Variants in CDC42SE2 observed in about 807,000 individuals in gnomAD.
The protein encoded by CDC42SE2 is CDC42 small effector 2.
In CDC42SE2, 3 loss-of-function variants were observed where a neutral mutation model predicts 11.5. That is an observed-to-expected ratio of 0.26 (90% confidence interval 0.12 to 0.67). The LOEUF is 0.67. Among genes scored for constraint, CDC42SE2 ranks in the 30% least tolerant of loss-of-function variants. CDC42SE2 has a pLI of 0.80. For missense variants in CDC42SE2, 82 were observed against 106.8 expected (o/e 0.77, Z 1.02); for synonymous variants, 33 against 34.8 (o/e 0.95, Z 0.18).
intron 4 of CDC42SE2, among the ~76,000 whole-genome samples, chr5:131,386,522 G>A (rs564233395): frequency 3.3e-4 from 51 of 152,368 alleles, no homozygotes; most frequent in African/African-American, 1.2e-3. Flanking sequence ...AGTAGGATGT[G>A]AAGAACCAGA....
In CDC42SE2 at chr5:131,393,914, A is replaced by G. The variant is rs915018520; in HGVS notation, c.*2823A>G. Reference sequence around the variant, plus strand: ...GCCAAAAGTGGACTTGTCAGCCTATAACTACTCTGCAGCTGCCACTAACTC... The same window carrying G: ...GCCAAAAGTGGACTTGTCAGCCTATGACTACTCTGCAGCTGCCACTAACTC... On this transcript the variant is annotated 3_prime_UTR_variant, in exon 5 of 5. Coordinates refer to ENST00000505065, the MANE Select transcript of CDC42SE2 (RefSeq NM_001375635.1). The G allele has an allele frequency of 1.4e-5, 2 of 144,148 alleles. No homozygotes were observed. The highest frequency in any genetic ancestry group is 7.3e-5 in the Admixed American group (1 of 13,704). 8.9% of individuals were successfully genotyped at this position (144,148 alleles called of 1,614,324 possible).
chr5:131,380,660 A>C (rs542494827), intron 3 of CDC42SE2, among the ~76,000 whole-genome samples: 11 of 152,092 alleles, frequency 7.2e-5, no homozygotes, highest in Non-Finnish European at 1.3e-4. Flanking sequence ...AAGGTTGACA[A>C]TCCATTTTCT....
At position 131,301,134 on chromosome 5, in the gene CDC42SE2, G is replaced by A. The variant is rs940538589; in HGVS notation, c.-454-14842G>A. The stretch of plus-strand genomic sequence containing the variant: ...CTTAAATACTGTATTGTACACTACC[G>A]TTGCTGTGGGTGTGTATATGTGTTT... On this transcript the variant is annotated intron_variant, in intron 1 of 4. Transcript: ENST00000505065. Among the ~76,000 whole-genome samples the A allele has an allele frequency of 4.6e-5, 7 of 152,064 alleles. No homozygotes were observed. The South Asian group carries it at 8.3e-4, about 18-fold the overall frequency.
chr5:131,301,051 G>A (rs1183751766), intron 1 of CDC42SE2, among the ~76,000 whole-genome samples: 1 of 152,136 alleles, frequency 6.6e-6, no homozygotes, highest in Non-Finnish European at 1.5e-5. Flanking sequence ...ACAATTCTCT[G>A]TGGCAGTCAG....
chr5:131,365,157 T>G lies in CDC42SE2; in HGVS notation c.54+5610T>G, dbSNP rs1749817304. Among the ~76,000 whole-genome samples, 5 of 151,808 alleles carry G rather than the reference T, an allele frequency of 3.3e-5. No homozygotes were observed. The South Asian group carries it at 1.0e-3, about 32-fold the overall frequency. ...ATACAAAAAATAGCTGGGCGTGGTG[T>G]CGCATGCCTGTAATCCCAGCTACTC... On this transcript the variant is annotated intron_variant, in intron 3 of 4. Coordinates refer to ENST00000505065, the MANE Select transcript of CDC42SE2 (RefSeq NM_001375635.1).
At chr5:131,344,927 G>C (rs910931273) in intron 2 of CDC42SE2, among the ~76,000 whole-genome samples, 2 of 152,218 alleles carry the variant, frequency 1.3e-5, no homozygotes, top group Non-Finnish European at 2.9e-5. Context: ...CAGACCTGCA[G>C]CTGAGGGTCC....
At position 131,292,240 on chromosome 5, in the gene CDC42SE2, C is replaced by G. The variant is rs1424027600; in HGVS notation, c.-454-23736C>G. On this transcript the variant is annotated intron_variant, in intron 1 of 4. Coordinates refer to ENST00000505065, the MANE Select transcript of CDC42SE2 (RefSeq NM_001375635.1). ...GTGACAGAGTAAGACTCTGTCTCAC[C>G]AAAAAAAAAAAAAAAAAAAAAAAAA... is the stretch of plus-strand genomic sequence containing the variant. 3.9e-4 allele frequency among the ~76,000 whole-genome samples: 10 copies of G among 25,622 alleles called. No homozygotes were observed. The East Asian group carries it at 0.015, about 39-fold the overall frequency. The allele number at this position is 25,622 out of a possible 152,430, so 16.8% of individuals were successfully genotyped here.
Position 131,279,037 on chromosome 5 carries a change from G to A in CDC42SE2, c.-455+14871G>A, listed in dbSNP as rs922144197. Reference sequence around the variant, plus strand: ...CAACCTCAAGTGATGCGCATGCCTCGATCTCCCAAAGCTCTGGGATTACAG... The same window carrying A: ...CAACCTCAAGTGATGCGCATGCCTCAATCTCCCAAAGCTCTGGGATTACAG... On this transcript the variant is annotated intron_variant, in intron 1 of 4. Coordinates refer to ENST00000505065, the MANE Select transcript of CDC42SE2 (RefSeq NM_001375635.1). Among the ~76,000 whole-genome samples the A allele has an allele frequency of 4.0e-5, 6 of 151,708 alleles. No homozygotes were observed. In the South Asian group the frequency reaches 1.3e-3, roughly 32 times the overall value.
intron 2 of CDC42SE2, among the ~76,000 whole-genome samples, chr5:131,328,621 C>A (rs963676262): frequency 6.6e-6 from 1 of 152,136 alleles, no homozygotes; most frequent in Non-Finnish European, 1.5e-5. Flanking sequence ...TTTCTAGGGA[C>A]ACATTCTTGG....
intron 3 of CDC42SE2, 39 bp from the exon 4 acceptor site, chr5:131,385,504 A>G (rs370757921): frequency 1.1e-4 from 152 of 1,430,438 alleles, no homozygotes; most frequent in Non-Finnish European, 1.3e-4. Flanking sequence ...AGTTGCTCAT[A>G]AGATCACTTT....
intron 2 of CDC42SE2, among the ~76,000 whole-genome samples, chr5:131,257,998 A>G (rs866890305): frequency 5.9e-5 from 9 of 152,204 alleles, no homozygotes; most frequent in South Asian, 2.1e-4. Flanking sequence ...TCTCCTCTGC[A>G]GCCCTGGTGC....
In CDC42SE2 at chr5:131,304,210, C is replaced by T. The variant is rs115483068; in HGVS notation, c.-454-11766C>T. Among the ~76,000 whole-genome samples the T allele has an allele frequency of 3.2e-3, 492 of 152,128 alleles. 4 individuals carry two copies. Among genetic ancestry groups the T allele is most frequent in the African/African-American group, 0.011 (472 of 41,504 alleles). On this transcript the variant is annotated intron_variant, in intron 1 of 4. Coordinates refer to ENST00000505065, the MANE Select transcript of CDC42SE2 (RefSeq NM_001375635.1). ...CATTGCCCAGGCTTGTCTTGAACTC[C>T]TGGGCCCAAACAATCCTCCCGCCCT...
At chr5:131,274,720 C>A (rs1237584458) in intron 1 of CDC42SE2, among the ~76,000 whole-genome samples, 1 of 152,162 alleles carries the variant, frequency 6.6e-6, no homozygotes, top group Non-Finnish European at 1.5e-5. Context: ...TCATGTCTTA[C>A]CAGTTTCTCC....
In CDC42SE2 at chr5:131,391,279, C is replaced by G. The variant is rs1750644303; in HGVS notation, c.*188C>G. ...GGAATGTAAGTTTTAGGTTCTTTTC[C>G]TTATTAAGAACTTTAAATACTTTAA... On this transcript the variant is annotated 3_prime_UTR_variant, in exon 5 of 5. Transcript: ENST00000505065. 1 of 249,780 alleles carries G rather than the reference C, an allele frequency of 4.0e-6. No homozygotes were observed. Among genetic ancestry groups the G allele is most frequent in the Non-Finnish European group, 7.4e-6 (1 of 134,572 alleles). 15.5% of individuals were successfully genotyped at this position (249,780 alleles called of 1,614,324 possible). A position where few individuals can be genotyped will look rare whatever the true frequency, so the allele number is the denominator to read the frequency against.
At chr5:131,339,913 C>A (rs1406393837) in intron 2 of CDC42SE2, among the ~76,000 whole-genome samples, 1 of 151,668 alleles carries the variant, frequency 6.6e-6, no homozygotes, top group Non-Finnish European at 1.5e-5. Flanking sequence ...GGTAAAAGTC[C>A]TAAATATATA....
At chr5:131,266,884 C>A (rs1314953563) in intron 1 of CDC42SE2, among the ~76,000 whole-genome samples, 1 of 146,686 alleles carries the variant, frequency 6.8e-6, no homozygotes, top group East Asian at 2.0e-4. Context: ...GACAAACCTA[C>A]TTGTAAATGG....
At chr5:131,325,228 T>C (rs1758271424) in intron 2 of CDC42SE2, among the ~76,000 whole-genome samples, 1 of 152,212 alleles carries the variant, frequency 6.6e-6, no homozygotes, top group Non-Finnish European at 1.5e-5. Context: ...ATGCATTAAA[T>C]GTGAAAATTT....
At chr5:131,302,752 C>T (rs1321853634) in intron 1 of CDC42SE2, among the ~76,000 whole-genome samples, 3 of 151,290 alleles carry the variant, frequency 2.0e-5, no homozygotes, top group Non-Finnish European at 4.4e-5. Context: ...AAGAAAGTTG[C>T]GAAATTATTT....
intron 1 of CDC42SE2, among the ~76,000 whole-genome samples, chr5:131,286,811 A>G (rs1455880413): frequency 6.6e-6 from 1 of 151,910 alleles, no homozygotes; most frequent in East Asian, 1.9e-4. Flanking sequence ...AATATATAAT[A>G]CATATACTAG....
Sources: gnomAD v4.1 joint callset for allele counts (sites outside exome capture counted in the v4.1 genomes callset) on GRCh38, gnomAD v4.1.1 for gene constraint, MANE v1.5 for transcripts, NCBI Gene and HGNC (gene_info 2026-07-23, HGNC 2026-07-21) for gene names.